Variants in ATXN10 observed in about 807,000 individuals in gnomAD.
The protein encoded by ATXN10 is ataxin-10.
A neutral mutation model predicts 52.9 loss-of-function variants in ATXN10; 28 were observed. The ratio of observed to expected loss-of-function variants is 0.53; its 90% CI spans 0.39 to 0.73. The LOEUF is 0.73. Ranked by LOEUF, ATXN10 falls within the 30% of genes least tolerant of loss-of-function variation. The pLI is 0.00. For synonymous variants in ATXN10, 226 were observed against 221.5 expected (o/e 1.02, Z -0.18); for missense variants, 565 against 577.0 (o/e 0.98, Z 0.21).
At chr22:45,761,945 T>G (rs1926406628) in intron 9 of ATXN10, among the ~76,000 whole-genome samples, 1 of 152,158 alleles carries the variant, frequency 6.6e-6, no homozygotes, top group East Asian at 1.9e-4. Context: ...TGGGATGAAG[T>G]AGTTGTGGTC....
chr22:45,746,665 CT>C (rs1569047175), intron 9 of ATXN10, among the ~76,000 whole-genome samples: 2 of 140,188 alleles, frequency 1.4e-5, no homozygotes, highest in African/African-American at 2.5e-5. Flanking sequence ...ACTTCCCAAC[CT>C]TCATACTTTC....
At chr22:45,709,711 C>G (rs1321844927) in intron 5 of ATXN10, among the ~76,000 whole-genome samples, 2 of 152,174 alleles carry the variant, frequency 1.3e-5, no homozygotes, top group African/African-American at 4.8e-5. Context: ...TGGCCTTGAT[C>G]TCTTGCTGAA....
intron 10 of ATXN10, among the ~76,000 whole-genome samples, chr22:45,839,690 A>G (rs1368534949): frequency 6.6e-6 from 1 of 152,218 alleles, no homozygotes; most frequent in Admixed American, 6.5e-5. Flanking sequence ...CAACCCCAAG[A>G]TGAACATGAT....
intron 9 of ATXN10, among the ~76,000 whole-genome samples, chr22:45,796,250 A>G (rs1927733492): frequency 6.6e-6 from 1 of 152,198 alleles, no homozygotes; most frequent in South Asian, 2.1e-4. Context: ...AGGATTAGGA[A>G]ATTCCAGCCT....
chr22:45,714,186 T>C (rs1343907700), intron 5 of ATXN10, among the ~76,000 whole-genome samples: 1 of 152,104 alleles, frequency 6.6e-6, no homozygotes, highest in African/African-American at 2.4e-5. Flanking sequence ...TTGCACAGTT[T>C]TATTTCGTAT....
At chr22:45,827,611 C>T (rs1928857910) in intron 10 of ATXN10, among the ~76,000 whole-genome samples, 1 of 152,134 alleles carries the variant, frequency 6.6e-6, no homozygotes, top group Admixed American at 6.5e-5. Flanking sequence ...CAGATATAAA[C>T]ATTTGCACAG....
rs750848142 is a variant in ATXN10, at chr22:45,786,128, G to A, written c.1174-20831G>A. On this transcript the variant is annotated intron_variant, in intron 9 of 11. Transcript: ENST00000252934. This position sits in a 1 kb window ranked among gnomAD's most constrained non-coding sequence, Gnocchi z 4.1. ...GCACTAAATTCAGATGTGAATGTTT[G>A]CTAAAGAAAAGATAGTTGCTAATTT... is the stretch of plus-strand genomic sequence containing the variant. 2.0e-5 allele frequency among the ~76,000 whole-genome samples: 3 copies of A among 152,132 alleles called. No individual in the cohort carries two copies. The highest frequency in any genetic ancestry group is 4.4e-5 in the Non-Finnish European group (3 of 68,030).
rs1016066738 is a variant in ATXN10, at chr22:45,718,540, G to A, written c.728+47G>A. On this transcript the variant is annotated intron_variant, in intron 6 of 11. Coordinates refer to ENST00000252934, the MANE Select transcript of ATXN10 (RefSeq NM_013236.4). The surrounding 1 kb of genome is among the most constrained non-coding windows in gnomAD (Gnocchi z 4.4). Reference sequence around the variant, plus strand: ...TCTGGAGTATTTAGCATTCCATATAGGGTATTCGATGCACGTGACTGAAAA... The same window carrying A: ...TCTGGAGTATTTAGCATTCCATATAAGGTATTCGATGCACGTGACTGAAAA... The A allele has an allele frequency of 6.0e-6, 9 of 1,491,870 alleles. No homozygotes were observed. In the African/African-American group the frequency reaches 6.9e-5, roughly 11 times the overall value. 92.4% of individuals were successfully genotyped at this position (1,491,870 alleles called of 1,614,324 possible).
Position 45,811,899 on chromosome 22 carries a change from C to A in ATXN10, c.1237+4877C>A, listed in dbSNP as rs1416268878. 9.5e-6 allele frequency: 4 copies of A among 421,074 alleles called. No homozygotes were observed. In the Admixed American group the frequency reaches 1.0e-4, roughly 11 times the overall value. The allele number at this position is 421,074 out of a possible 1,614,324, so 26.1% of individuals were successfully genotyped here. ...CCCCACACCACCTTGCATAAGCATG[C>A]CCCTGTTCACAGAGCCTCCTAGACG... On this transcript the variant is annotated intron_variant, in intron 10 of 11. Transcript: ENST00000252934.
chr22:45,724,359 C>T (rs1359335039), intron 6 of ATXN10, among the ~76,000 whole-genome samples: 1 of 152,022 alleles, frequency 6.6e-6, no homozygotes, highest in Non-Finnish European at 1.5e-5. Flanking sequence ...TAATAATGGC[C>T]ACTCTGACAG....
chr22:45,740,648 C>T, intron 9 of ATXN10, 110 bp downstream of exon 9: 1 of 847,428 alleles, frequency 1.2e-6, no homozygotes, highest in Admixed American at 1.9e-5. Flanking sequence ...TAGAAAGTAG[C>T]TTGGATAGAG....
intron 9 of ATXN10, among the ~76,000 whole-genome samples, chr22:45,785,484 G>A (rs1927291756): frequency 6.6e-6 from 1 of 152,176 alleles, no homozygotes; most frequent in African/African-American, 2.4e-5. Flanking sequence ...CTAAGTAGAA[G>A]TACAAATAAA....
intron 5 of ATXN10, 77 bp downstream of exon 5, chr22:45,702,924 A>G (rs1459906808): frequency 1.9e-6 from 3 of 1,567,374 alleles, no homozygotes; most frequent in Non-Finnish European, 2.6e-6. Context: ...TTTAAGTAAA[A>G]ATTTGGACAT....
At chr22:45,692,239 T>A (rs4823231) in intron 2 of ATXN10, among the ~76,000 whole-genome samples, 132,539 of 152,242 alleles carry the variant, frequency 0.87, 58,012 homozygotes, top group African/African-American at 0.96. Context: ...ATAAAAATTC[T>A]AACATTACAA....
At position 45,772,479 on chromosome 22, in the gene ATXN10, T is replaced by C. The variant is rs1014757215; in HGVS notation, c.1173+31941T>C. ...ACAACATTGTCTTTATTACTGTCAA[T>C]TTACAGTAAATCTTAAAATTGGGTA... On this transcript the variant is annotated intron_variant, in intron 9 of 11. Transcript: ENST00000252934. This position sits in a 1 kb window ranked among gnomAD's most constrained non-coding sequence, Gnocchi z 4.1. Among the ~76,000 whole-genome samples, 4 of 152,248 alleles carry C rather than the reference T, an allele frequency of 2.6e-5. No homozygotes were observed. The highest frequency in any genetic ancestry group is 9.6e-5 in the African/African-American group (4 of 41,466).
At chr22:45,702,896 C>G in intron 5 of ATXN10, 49 bp downstream of exon 5, 3 of 1,608,674 alleles carry the variant, frequency 1.9e-6, no homozygotes, top group Middle Eastern at 1.9e-4. Flanking sequence ...CCTGACAGAT[C>G]ACTTTCCTTG....
chr22:45,815,049 A>G (rs1455603330), intron 10 of ATXN10, among the ~76,000 whole-genome samples: 1 of 152,232 alleles, frequency 6.6e-6, no homozygotes, highest in Non-Finnish European at 1.5e-5. Context: ...GAATGCTCAC[A>G]GCAGCCTTAT....
intron 6 of ATXN10, among the ~76,000 whole-genome samples, chr22:45,721,511 C>T (rs1307586818): frequency 6.6e-6 from 1 of 152,178 alleles, no homozygotes; most frequent in Non-Finnish European, 1.5e-5. Flanking sequence ...ACTTTGGCAT[C>T]AGAAAGAGTT....
intron 9 of ATXN10, among the ~76,000 whole-genome samples, chr22:45,801,031 T>C (rs1476003694): frequency 6.6e-6 from 1 of 152,228 alleles, no homozygotes; most frequent in Non-Finnish European, 1.5e-5. Flanking sequence ...AAATGCCTTT[T>C]AGAAGTAAAG....
Sources: allele counts gnomAD v4.1 joint callset (sites outside exome capture counted in the v4.1 genomes callset), GRCh38; gene constraint gnomAD v4.1.1; non-coding constraint Gnocchi (gnomAD v3.1); transcripts MANE v1.5; gene names NCBI Gene and HGNC (gene_info 2026-07-23, HGNC 2026-07-21).